Variants in LAMC1 observed in about 807,000 individuals in gnomAD.
The protein encoded by LAMC1 is laminin subunit gamma 1, also known as laminin subunit gamma-1.
Under a neutral mutation model 173.6 loss-of-function variants are expected in LAMC1, and 38 were observed. The ratio of observed to expected loss-of-function variants is 0.22; its 90% CI spans 0.17 to 0.29. LAMC1 has a LOEUF of 0.29. Ranked by LOEUF, LAMC1 falls within the 10% of genes least tolerant of loss-of-function variation. The pLI, the probability that LAMC1 is intolerant of heterozygous loss-of-function variation, is 1.00. For synonymous variants in LAMC1, 746 were observed against 749.1 expected (o/e 1.00, Z 0.07); for missense variants, 1,824 against 2,051.8 (o/e 0.89, Z 2.14).
At chr1:183,090,204 A>G (rs948395829) in intron 1 of LAMC1, among the ~76,000 whole-genome samples, 7 of 152,140 alleles carry the variant, frequency 4.6e-5, no homozygotes, top group Non-Finnish European at 7.3e-5. Flanking sequence ...AAGACCTTTA[A>G]ATTTGTTGTA....
At position 183,024,114 on chromosome 1, in the gene LAMC1, T is replaced by C; in HGVS notation, c.398T>C (p.Ile133Thr). 4 of 1,596,538 alleles carry C rather than the reference T, an allele frequency of 2.5e-6. No homozygotes were observed. The highest frequency in any genetic ancestry group is 2.6e-6 in the Non-Finnish European group (3 of 1,172,006). ...MLAGVQYPSS[I>T]NLTLHLGKAF... ...GCCGGGGTGCAGTACCCCAGCTCCA[T>C]CAACCTCACGCTGCACCTGGGTAAG... The change falls in exon 1 of 28, where the codon ATC (isoleucine) becomes ACC (threonine). Residue 133 changes from isoleucine (I) to threonine (T), a missense_variant. Ile to Thr is a moderately conservative substitution (Grantham distance 89). Coordinates refer to ENST00000258341, the MANE Select transcript of LAMC1 (RefSeq NM_002293.4).
At chr1:183,134,072 T>A (rs900207467) in intron 22 of LAMC1, among the ~76,000 whole-genome samples, 1 of 152,210 alleles carries the variant, frequency 6.6e-6, no homozygotes, top group Admixed American at 6.5e-5. Flanking sequence ...CTGAGGCAGG[T>A]AAAATATTTT....
rs555677292 is a variant in LAMC1 at position 183,115,536 on chromosome 1, G to A, written c.1227G>A (p.Gln409=). Reference sequence around the variant, plus strand: ...ACATTTTAGGCTCTCTAAGCACACAGTGTGATAGTTACGGCAGATGCAGCT... The same window carrying A: ...ACATTTTAGGCTCTCTAAGCACACAATGTGATAGTTACGGCAGATGCAGCT... ...HCSPVGSLST[Q]CDSYGRCSCK... The change falls in exon 6 of 28, where the codon CAG becomes CAA. Residue 409 remains glutamine, a synonymous_variant. Transcript: ENST00000258341. 2.4e-5 allele frequency: 39 copies of A among 1,613,552 alleles called. No homozygotes were observed. Among genetic ancestry groups the A allele is most frequent in the Non-Finnish European group, 2.7e-5 (32 of 1,179,594 alleles).
Position 183,125,456 on chromosome 1 carries a change from G to C in LAMC1, c.2707G>C (p.Gly903Arg), listed in dbSNP as rs906974922. The change falls in exon 15 of 28, where the codon GGG becomes CGG. Residue 903 changes from glycine (G) to arginine (R), a missense_variant. Physicochemically the swap from Gly to Arg is moderately radical, Grantham distance 125. Coordinates refer to ENST00000258341, the MANE Select transcript of LAMC1 (RefSeq NM_002293.4). ...GCAGAGCAGCTGTAACCCCGTGACG[G>C]GGCAGTGTGAATGTTTGCCTCACGT... ...KQQSSCNPVT[G>R]QCECLPHVTG... is the part of the protein sequence containing the mutation. The C allele has an allele frequency of 1.2e-6, 2 of 1,614,052 alleles. No individual in the cohort carries two copies. The highest frequency in any genetic ancestry group is 8.5e-7 in the Non-Finnish European group (1 of 1,179,896).
At chr1:183,126,379 A>G (rs1656620570) in intron 16 of LAMC1, 117 bp downstream of exon 16, 3 of 997,398 alleles carry the variant, frequency 3.0e-6, no homozygotes, top group Non-Finnish European at 4.5e-6. Context: ...TCAGGGCTGT[A>G]CCTAAGTCAT....
At chr1:183,031,138 T>C (rs1187215801) in intron 1 of LAMC1, among the ~76,000 whole-genome samples, 1 of 152,190 alleles carries the variant, frequency 6.6e-6, no homozygotes, top group East Asian at 1.9e-4. Flanking sequence ...AGTGAAGTCA[T>C]CATGAGTAGA....
intron 1 of LAMC1, among the ~76,000 whole-genome samples, chr1:183,101,681 C>G (rs961487984): frequency 1.3e-5 from 2 of 151,714 alleles, no homozygotes; most frequent in Admixed American, 6.6e-5. Flanking sequence ...TTCATTTTTA[C>G]AAAGAGAAAA....
At chr1:183,067,379 C>T (rs980372374) in intron 1 of LAMC1, among the ~76,000 whole-genome samples, 2 of 152,150 alleles carry the variant, frequency 1.3e-5, no homozygotes, top group African/African-American at 4.8e-5. Flanking sequence ...AAGTTGACCA[C>T]ACAACTGCAA....
chr1:183,059,356 C>T (rs1208147634), intron 1 of LAMC1, among the ~76,000 whole-genome samples: 1 of 152,168 alleles, frequency 6.6e-6, no homozygotes, highest in Admixed American at 6.5e-5. Flanking sequence ...AGCCCACTTG[C>T]CCTGTTATAT....
chr1:183,077,653 T>A (rs1308127435), intron 1 of LAMC1, among the ~76,000 whole-genome samples: 1 of 151,918 alleles, frequency 6.6e-6, no homozygotes. Flanking sequence ...GAACATAGGA[T>A]GTTTGGTTTT....
intron 1 of LAMC1, among the ~76,000 whole-genome samples, chr1:183,082,589 A>C (rs1655306834): frequency 6.6e-6 from 1 of 152,202 alleles, no homozygotes; most frequent in African/African-American, 2.4e-5. Context: ...CCCATCTCCA[A>C]ATTACCACAG....
At chr1:183,116,050 A>G (rs866539206) in intron 6 of LAMC1, among the ~76,000 whole-genome samples, 1 of 151,332 alleles carries the variant, frequency 6.6e-6, no homozygotes, top group Non-Finnish European at 1.5e-5. Context: ...GAATGGCGTG[A>G]ACCTGGGAGG....
At position 183,128,669 on chromosome 1, in the gene LAMC1, A is replaced by T. The variant is rs1240729577; in HGVS notation, c.3199A>T (p.Thr1067Ser). 6.2e-7 allele frequency: 1 copy of T among 1,613,740 alleles called. No homozygotes were observed. Among genetic ancestry groups the T allele is most frequent in the Non-Finnish European group, 8.5e-7 (1 of 1,179,798 alleles). Residue 1067 changes from threonine (T) to serine (S), a missense_variant, in exon 18 of 28, where the codon ACA becomes TCA. Transcript: ENST00000258341. ...ANLGTGDEMVTDQAFEDRLKE... is the reference protein window; with the variant it reads ...ANLGTGDEMVSDQAFEDRLKE... ...CCTTGGAACTGGGGATGAGATGGTG[A>T]CAGATCAAGCCTTCGAGGATAGACT...
chr1:183,065,188 G>A (rs147543681), intron 1 of LAMC1, among the ~76,000 whole-genome samples: 5 of 152,182 alleles, frequency 3.3e-5, no homozygotes, highest in African/African-American at 1.2e-4. Flanking sequence ...GTAAAAATAC[G>A]GTACTATAAT....
chr1:183,121,989 A>G (rs759424613), intron 12 of LAMC1, 45 bp downstream of exon 12: 2 of 1,608,508 alleles, frequency 1.2e-6, no homozygotes. Context: ...TCTCTTTAGC[A>G]ATTGTGTAGA....
chr1:183,134,487 C>T (rs1236679720), intron 22 of LAMC1, among the ~76,000 whole-genome samples, 173 bp from the exon 23 acceptor site: 3 of 152,164 alleles, frequency 2.0e-5, no homozygotes, highest in Non-Finnish European at 4.4e-5. Context: ...ATTCTGTGAA[C>T]TTCAGTGGGT....
intron 1 of LAMC1, among the ~76,000 whole-genome samples, chr1:183,055,752 C>T (rs1654573748): frequency 6.6e-6 from 1 of 151,640 alleles, no homozygotes; most frequent in African/African-American, 2.4e-5. Context: ...GCAGAGATTG[C>T]AGTGAACTGA....
chr1:183,136,200 T>C (rs1285002052), intron 24 of LAMC1, among the ~76,000 whole-genome samples, 186 bp from the exon 25 acceptor site: 1 of 152,248 alleles, frequency 6.6e-6, no homozygotes, highest in Non-Finnish European at 1.5e-5. Context: ...GGAACATTTC[T>C]ATAACACTAA....
At chr1:183,027,126 A>G (rs1254947369) in intron 1 of LAMC1, among the ~76,000 whole-genome samples, 1 of 152,240 alleles carries the variant, frequency 6.6e-6, no homozygotes, top group Admixed American at 6.5e-5. Flanking sequence ...TACAAAAGCC[A>G]GGAAAATCAG....
Sources: allele counts gnomAD v4.1 joint callset (sites outside exome capture counted in the v4.1 genomes callset), GRCh38; gene constraint gnomAD v4.1.1; transcripts MANE v1.5; gene names NCBI Gene and HGNC (gene_info 2026-07-23, HGNC 2026-07-21).